Variants in LRRTM4 observed in about 807,000 individuals in gnomAD.
The protein encoded by LRRTM4 is leucine rich repeat transmembrane neuronal 4.
In LRRTM4, 25 loss-of-function variants were observed where a neutral mutation model predicts 47.6. That is an observed-to-expected ratio of 0.53 (90% confidence interval 0.38 to 0.73). LRRTM4 has a LOEUF of 0.73. Among genes scored for constraint, LRRTM4 ranks in the 30% least tolerant of loss-of-function variants. The pLI is 0.00. For synonymous variants in LRRTM4, 311 were observed against 269.5 expected, an observed-to-expected ratio of 1.15 and a Z score of -1.51; for missense variants, 638 against 713.4, an observed-to-expected ratio of 0.89 and a Z score of 1.20.
At chr2:76,761,778 A>G (rs1253132339) in intron 3 of LRRTM4, among the ~76,000 whole-genome samples, 2 of 152,214 alleles carry the variant, frequency 1.3e-5, no homozygotes, top group African/African-American at 4.8e-5. Context: ...AAAGAAAAAG[A>G]ATTAAAACCC....
chr2:76,850,354 G>A (rs1671956970), intron 3 of LRRTM4, among the ~76,000 whole-genome samples: 1 of 152,126 alleles, frequency 6.6e-6, no homozygotes, highest in Non-Finnish European at 1.5e-5. Context: ...TTGTGTGGAA[G>A]ACATATCAGA....
chr2:76,962,024 T>C (rs1675877102), intron 3 of LRRTM4, among the ~76,000 whole-genome samples: 3 of 151,220 alleles, frequency 2.0e-5, no homozygotes, highest in East Asian at 2.0e-4. Flanking sequence ...ACCTTGGAGA[T>C]AACCAGAGCA....
chr2:76,820,869 G>A lies in LRRTM4; in HGVS notation c.1552-71953C>T, dbSNP rs1671032874. 2.0e-5 allele frequency among the ~76,000 whole-genome samples: 3 copies of A among 151,788 alleles called. No homozygotes were observed. The South Asian group carries it at 6.2e-4, about 31-fold the overall frequency. The stretch of plus-strand genomic sequence containing the variant: ...GCAAAAGTAGCTAGAAGCAGTTACA[G>A]CATCTGAATTCTCCATTTCATTTCA... On this transcript the variant is annotated intron_variant, in intron 3 of 3. Coordinates refer to ENST00000409884, the MANE Select transcript of LRRTM4 (RefSeq NM_001134745.3).
chr2:76,931,625 A>C (rs1674772423), intron 3 of LRRTM4, among the ~76,000 whole-genome samples: 1 of 152,122 alleles, frequency 6.6e-6, no homozygotes, highest in African/African-American at 2.4e-5. Flanking sequence ...GATGAAATCC[A>C]ATTGGCTGGC....
chr2:77,151,236 G>A (rs897485493), intron 3 of LRRTM4, among the ~76,000 whole-genome samples: 2 of 151,820 alleles, frequency 1.3e-5, no homozygotes, highest in Admixed American at 1.3e-4. Context: ...ATTGTTAATG[G>A]TAAGTACTAT....
At chr2:76,770,996 T>C (rs1039448849) in intron 3 of LRRTM4, among the ~76,000 whole-genome samples, 1 of 152,170 alleles carries the variant, frequency 6.6e-6, no homozygotes, top group African/African-American at 2.4e-5. Context: ...TAAGAATAAT[T>C]TGATTATTTG....
chr2:76,773,982 C>T (rs771729190), intron 3 of LRRTM4, among the ~76,000 whole-genome samples: 20 of 151,750 alleles, frequency 1.3e-4, no homozygotes, highest in Non-Finnish European at 2.2e-4. Flanking sequence ...AAATATATAG[C>T]GGATCTTTGA....
intron 3 of LRRTM4, among the ~76,000 whole-genome samples, chr2:76,905,996 C>T (rs1004374981): frequency 1.1e-4 from 17 of 151,952 alleles, no homozygotes; most frequent in South Asian, 8.3e-4. Context: ...ATACAGAGAA[C>T]GCCACAAAGA....
At chr2:77,359,724 T>C (rs10182311) in intron 3 of LRRTM4, among the ~76,000 whole-genome samples, 4,598 of 152,278 alleles carry the variant, frequency 0.03, 156 homozygotes, top group African/African-American at 0.086. Flanking sequence ...CACAATTGCC[T>C]TAAGCCTAAT....
chr2:76,996,886 C>A (rs1677222311), intron 3 of LRRTM4, among the ~76,000 whole-genome samples: 1 of 152,140 alleles, frequency 6.6e-6, no homozygotes, highest in African/African-American at 2.4e-5. Context: ...CTCACTCCTG[C>A]AGATGCTTGG....
chr2:77,520,433 A>G (rs943417825), intron 2 of LRRTM4, among the ~76,000 whole-genome samples: 1 of 152,070 alleles, frequency 6.6e-6, no homozygotes. Context: ...AACAGCATTG[A>G]GACTAGTATA....
intron 3 of LRRTM4, among the ~76,000 whole-genome samples, chr2:77,050,301 T>A (rs1679387443): frequency 6.6e-6 from 1 of 152,140 alleles, no homozygotes; most frequent in Non-Finnish European, 1.5e-5. Flanking sequence ...CTGCTACCAC[T>A]TTTGGATGGG....
At chr2:77,266,849 CAG>C (rs1387130676) in intron 3 of LRRTM4, among the ~76,000 whole-genome samples, 5 of 152,076 alleles carry the variant, frequency 3.3e-5, no homozygotes, top group African/African-American at 1.2e-4. Flanking sequence ...ATGCTCAACA[CAG>C]AGACCTTTCC....
At chr2:77,198,549 T>A (rs908358994) in intron 3 of LRRTM4, among the ~76,000 whole-genome samples, 5 of 152,188 alleles carry the variant, frequency 3.3e-5, no homozygotes, top group African/African-American at 4.8e-5. Flanking sequence ...TTCCATCAAT[T>A]GAAGTTGAAC....
At chr2:77,213,076 T>G (rs1372207381) in intron 3 of LRRTM4, among the ~76,000 whole-genome samples, 1 of 152,108 alleles carries the variant, frequency 6.6e-6, no homozygotes, top group South Asian at 2.1e-4. Flanking sequence ...TTGTTCTGAA[T>G]TGGTGGAATA....
At chr2:76,992,626 A>C (rs1009610265) in intron 3 of LRRTM4, among the ~76,000 whole-genome samples, 3 of 151,550 alleles carry the variant, frequency 2.0e-5, no homozygotes, top group Admixed American at 6.6e-5. Context: ...AATCAAAGAC[A>C]ACACAAACAA....
intron 3 of LRRTM4, among the ~76,000 whole-genome samples, chr2:77,105,302 A>G (rs72807253): frequency 0.12 from 18,466 of 152,166 alleles, 1,396 homozygotes; most frequent in East Asian, 0.24. Context: ...GGTTATTAAA[A>G]AAAGAATCCA....
At chr2:77,025,792 A>G (rs1678433788) in intron 3 of LRRTM4, among the ~76,000 whole-genome samples, 1 of 152,196 alleles carries the variant, frequency 6.6e-6, no homozygotes. Flanking sequence ...CACAAGTTGT[A>G]TAATTTTTTT....
At chr2:76,828,703 G>A (rs1460428061) in intron 3 of LRRTM4, among the ~76,000 whole-genome samples, 1 of 151,840 alleles carries the variant, frequency 6.6e-6, no homozygotes, top group South Asian at 2.1e-4. Context: ...ATTAATGTGA[G>A]CTCATATGAG....
Sources: allele counts gnomAD v4.1 joint callset (sites outside exome capture counted in the v4.1 genomes callset), GRCh38; gene constraint gnomAD v4.1.1; transcripts MANE v1.5; gene names NCBI Gene and HGNC (gene_info 2026-07-23, HGNC 2026-07-21).